LRRC4C: variants seen among roughly 807,000 people sequenced by gnomAD.
The protein encoded by LRRC4C is leucine-rich repeat-containing protein 4C.
In LRRC4C, 5 loss-of-function variants were observed where a neutral mutation model predicts 33.6. The ratio of observed to expected loss-of-function variants is 0.15; its 90% CI spans 0.08 to 0.31. The LOEUF (loss-of-function observed/expected upper bound fraction) is 0.31. Ranked by LOEUF, LRRC4C falls within the 10% of genes least tolerant of loss-of-function variation. The pLI, the probability that LRRC4C is intolerant of heterozygous loss-of-function variation, is 1.00. For missense variants in LRRC4C, 560 were observed against 796.7 expected, an observed-to-expected ratio of 0.70 and a Z score of 3.58; for synonymous variants, 329 against 302.0, an observed-to-expected ratio of 1.09 and a Z score of -0.93.
chr11:40,971,982 C>G (rs191689194), intron 1 of LRRC4C, among the ~76,000 whole-genome samples: 3 of 152,228 alleles, frequency 2.0e-5, no homozygotes, highest in South Asian at 4.1e-4. Flanking sequence ...ATGCCTGTAC[C>G]TCCATTGTAT....
chr11:40,990,690 G>C (rs1173453529), intron 1 of LRRC4C, among the ~76,000 whole-genome samples: 1 of 152,102 alleles, frequency 6.6e-6, no homozygotes, highest in African/African-American at 2.4e-5. Context: ...AAAACTGATG[G>C]TGCCTTAGCA....
intron 1 of LRRC4C, among the ~76,000 whole-genome samples, chr11:41,291,352 T>C (rs1298330639): frequency 6.6e-6 from 1 of 152,146 alleles, no homozygotes; most frequent in Non-Finnish European, 1.5e-5. Flanking sequence ...CAAATACATA[T>C]GCCCTTACAT....
intron 3 of LRRC4C, among the ~76,000 whole-genome samples, chr11:40,397,798 T>C (rs886980160): frequency 2.0e-5 from 3 of 152,092 alleles, no homozygotes; most frequent in Non-Finnish European, 4.4e-5. Flanking sequence ...CAGACAGAAC[T>C]TTTCAGAATT....
At chr11:40,958,759 T>C (rs1592190541) in intron 1 of LRRC4C, among the ~76,000 whole-genome samples, 1 of 151,804 alleles carries the variant, frequency 6.6e-6, no homozygotes, top group African/African-American at 2.4e-5. Flanking sequence ...AAATCTTGAA[T>C]TCTTGCTTTA....
At chr11:40,789,543 G>T (rs764333086) in intron 2 of LRRC4C, among the ~76,000 whole-genome samples, 2 of 152,074 alleles carry the variant, frequency 1.3e-5, no homozygotes, top group Non-Finnish European at 2.9e-5. Context: ...AAGTCAATAA[G>T]ATTTTTAAAG....
chr11:40,919,609 C>T (rs928627316), intron 2 of LRRC4C, among the ~76,000 whole-genome samples: 24 of 152,112 alleles, frequency 1.6e-4, no homozygotes, highest in African/African-American at 5.8e-4. Flanking sequence ...CTGTCTGTCT[C>T]CTTCCACAAA....
At chr11:40,528,048 A>T (rs1224069250) in intron 3 of LRRC4C, among the ~76,000 whole-genome samples, 2 of 152,194 alleles carry the variant, frequency 1.3e-5, no homozygotes, top group Non-Finnish European at 2.9e-5. Flanking sequence ...ACCCTGCCAG[A>T]AATTAAATTT....
chr11:41,209,425 T>A (rs1946730340), intron 1 of LRRC4C, among the ~76,000 whole-genome samples: 1 of 151,692 alleles, frequency 6.6e-6, no homozygotes, highest in Non-Finnish European at 1.5e-5. Context: ...GTTTCACAGG[T>A]TCACAGTAGG....
At chr11:41,255,050 G>A (rs927037808) in intron 1 of LRRC4C, among the ~76,000 whole-genome samples, 4 of 151,928 alleles carry the variant, frequency 2.6e-5, no homozygotes, top group African/African-American at 7.2e-5. Flanking sequence ...TTTCTTGCAA[G>A]GGTAAAATTA....
At chr11:40,267,453 G>A (rs953218155) in intron 4 of LRRC4C, among the ~76,000 whole-genome samples, 1 of 152,052 alleles carries the variant, frequency 6.6e-6, no homozygotes, top group Admixed American at 6.6e-5. Context: ...CCTGGTTCAC[G>A]CCATTCTCCT....
chr11:41,271,965 C>A (rs113817874), intron 1 of LRRC4C, among the ~76,000 whole-genome samples: 2,153 of 152,176 alleles, frequency 0.014, 59 homozygotes, highest in African/African-American at 0.049. Context: ...TATTACTTCT[C>A]CTACATGTGA....
rs1057266619 is a variant in LRRC4C, at chr11:41,214,803, A to ATG, written c.-496+244626_-496+244627dup. On this transcript the variant is annotated intron_variant, in intron 1 of 6. Transcript: ENST00000528697. ...CACATATATATATGTGTGTATATATATGTGTGTGTGTATATATATATTATA... is the reference window on the plus strand; with the variant it reads ...CACATATATATATGTGTGTATATATATGTGTGTGTGTGTATATATATATTATA... Among the ~76,000 whole-genome samples the ATG allele has an allele frequency of 5.8e-3, 852 of 146,158 alleles. 5 individuals are homozygous for ATG. The highest frequency in any genetic ancestry group is 8.6e-3 in the Non-Finnish European group (578 of 66,890).
chr11:40,576,121 T>C (rs758877924), intron 3 of LRRC4C, among the ~76,000 whole-genome samples: 56 of 152,178 alleles, frequency 3.7e-4, no homozygotes, highest in Non-Finnish European at 2.5e-4. Flanking sequence ...TATTTTAATT[T>C]TATGAAAAAA....
intron 3 of LRRC4C, among the ~76,000 whole-genome samples, chr11:40,390,207 G>A (rs1949282204): frequency 6.6e-6 from 1 of 152,110 alleles, no homozygotes; most frequent in African/African-American, 2.4e-5. Context: ...AGTATGGCTG[G>A]CATTAATTTA....
In LRRC4C at chr11:41,301,805, T is replaced by C. The variant is rs534483520; in HGVS notation, c.-496+157626A>G. On this transcript the variant is annotated intron_variant, in intron 1 of 6. Coordinates refer to ENST00000528697, the MANE Select transcript of LRRC4C (RefSeq NM_001258419.2). ...TAGTTCTCCTCTGTCTTTGGTTATT[T>C]TAAGCTTACAGAAAATTTGCAAGAT... is the stretch of plus-strand genomic sequence containing the variant. 2.0e-5 allele frequency among the ~76,000 whole-genome samples: 3 copies of C among 152,300 alleles called. No individual in the cohort carries two copies. The East Asian group carries it at 5.8e-4, about 29-fold the overall frequency.
intron 1 of LRRC4C, among the ~76,000 whole-genome samples, chr11:41,313,845 G>A (rs572487709): frequency 1.1e-4 from 16 of 152,206 alleles, no homozygotes; most frequent in African/African-American, 2.9e-4. Flanking sequence ...GAAGGTTCTC[G>A]AGGTTCTTAA....
intron 1 of LRRC4C, among the ~76,000 whole-genome samples, chr11:41,010,760 C>A (rs776393122): frequency 6.6e-6 from 1 of 152,180 alleles, no homozygotes; most frequent in Non-Finnish European, 1.5e-5. Flanking sequence ...CAGGACTTTC[C>A]TGCCCCATTG....
intron 2 of LRRC4C, among the ~76,000 whole-genome samples, chr11:40,672,386 A>G (rs529068410): frequency 2.0e-5 from 3 of 152,334 alleles, no homozygotes; most frequent in African/African-American, 7.2e-5. Flanking sequence ...ATTTCAGCAT[A>G]TGAATGTTGA....
intron 1 of LRRC4C, among the ~76,000 whole-genome samples, chr11:41,270,158 C>T (rs1949275696): frequency 6.6e-6 from 1 of 151,950 alleles, no homozygotes. Flanking sequence ...TAACTGAAAA[C>T]TTTCTATTAT....
Sources: gnomAD v4.1 joint callset for allele counts (sites outside exome capture counted in the v4.1 genomes callset) on GRCh38, gnomAD v4.1.1 for gene constraint, MANE v1.5 for transcripts, NCBI Gene and HGNC (gene_info 2026-07-23, HGNC 2026-07-21) for gene names.